PTH2R: variants seen among roughly 807,000 people sequenced by gnomAD.
PTH2R encodes the protein parathyroid hormone 2 receptor.
PTH2R carries 59 observed loss-of-function variants against 60.3 expected under a neutral mutation model. The ratio of observed to expected loss-of-function variants is 0.98; its 90% confidence interval spans 0.79 to 1.22. The LOEUF (loss-of-function observed/expected upper bound fraction) is 1.22. PTH2R is among the 50% of genes most tolerant of loss of function. The probability of loss-of-function intolerance (pLI) is 0.00; values close to 1 mark genes in which losing one functional copy is unlikely to be tolerated. For missense variants in PTH2R, 749 were observed against 682.6 expected (o/e 1.10, Z -1.08); for synonymous variants, 256 against 243.8 (o/e 1.05, Z -0.47).
chr2:208,457,239 A>G (rs1702532879), intron 8 of PTH2R, among the ~76,000 whole-genome samples: 1 of 152,250 alleles, frequency 6.6e-6, no homozygotes, highest in Non-Finnish European at 1.5e-5. Flanking sequence ...GTGATTCTGC[A>G]TAACTCAGTA....
chr2:208,450,393 G>C (rs1041701829), intron 7 of PTH2R, among the ~76,000 whole-genome samples: 3 of 152,132 alleles, frequency 2.0e-5, no homozygotes, highest in Admixed American at 6.5e-5. Flanking sequence ...CACTCCTTGA[G>C]AGCATATGAT....
chr2:208,440,112 G>A (rs1038096694), intron 4 of PTH2R, among the ~76,000 whole-genome samples: 3 of 152,096 alleles, frequency 2.0e-5, no homozygotes, highest in Admixed American at 2.0e-4. Flanking sequence ...TAAAATAATA[G>A]GCAATGCTTC....
At chr2:208,399,596 T>C (rs1701270902) in intron 1 of PTH2R, among the ~76,000 whole-genome samples, 1 of 152,156 alleles carries the variant, frequency 6.6e-6, no homozygotes, top group Admixed American at 6.5e-5. Context: ...CAAGGTGTCA[T>C]ACATCATTGC....
Position 208,459,894 on chromosome 2 carries a change from G to C in PTH2R, c.915-1G>C. 1.2e-6 allele frequency: 2 copies of C among 1,611,900 alleles called. No individual in the cohort carries two copies. Among genetic ancestry groups the C allele is most frequent in the South Asian group, 2.2e-5 (2 of 90,602 alleles). Reference sequence around the variant, plus strand: ...ATGACAGCTTTTTTTCAATGTCTCAGGTGCTGGGAACTTAGTGCTGGAGAC... The same window carrying C: ...ATGACAGCTTTTTTTCAATGTCTCACGTGCTGGGAACTTAGTGCTGGAGAC... On this transcript the variant is annotated splice_acceptor_variant, in intron 8 of 12. Coordinates refer to ENST00000272847, the MANE Select transcript of PTH2R (RefSeq NM_005048.4). LOFTEE classifies it high-confidence loss of function.
At chr2:208,466,906 T>G (rs187691910) in intron 9 of PTH2R, among the ~76,000 whole-genome samples, 56 of 152,352 alleles carry the variant, frequency 3.7e-4, no homozygotes, top group African/African-American at 1.3e-3. Flanking sequence ...GCAATCCTGC[T>G]TGTTAATTTT....
At chr2:208,402,996 G>C (rs1701338437), upstream of PTH2R, among the ~76,000 whole-genome samples, 1 of 152,148 alleles carries the variant, frequency 6.6e-6, no homozygotes, top group African/African-American at 2.4e-5. Context: ...CTGAGTTATA[G>C]TTTCCTCATC....
intron 1 of PTH2R, among the ~76,000 whole-genome samples, chr2:208,379,629 G>A (rs1700874116): frequency 1.7e-5 from 2 of 119,662 alleles, no homozygotes; most frequent in African/African-American, 2.5e-5. Flanking sequence ...GGAGGCCCAG[G>A]TGGGCGGATC....
chr2:208,425,829 T>A (rs1199074190), intron 1 of PTH2R, among the ~76,000 whole-genome samples: 3 of 152,242 alleles, frequency 2.0e-5, no homozygotes, highest in Non-Finnish European at 4.4e-5. Flanking sequence ...CCAGCTTCTT[T>A]TACTCCAAGT....
chr2:208,428,579 G>T (rs1315566023), intron 2 of PTH2R, among the ~76,000 whole-genome samples: 1 of 152,220 alleles, frequency 6.6e-6, no homozygotes, highest in African/African-American at 2.4e-5. Context: ...TTCAGGGTTT[G>T]TCTGCCTGTA....
At chr2:208,484,559 C>A (rs1476664435) in intron 10 of PTH2R, among the ~76,000 whole-genome samples, 1 of 152,010 alleles carries the variant, frequency 6.6e-6, no homozygotes, top group Non-Finnish European at 1.5e-5. Flanking sequence ...ACAACTCAAA[C>A]TCAATTACTT....
intron 8 of PTH2R, among the ~76,000 whole-genome samples, chr2:208,459,284 T>G (rs762218209): frequency 6.6e-6 from 1 of 152,156 alleles, no homozygotes; most frequent in Non-Finnish European, 1.5e-5. Flanking sequence ...ACATTTACAT[T>G]CAGTACAATA....
chr2:208,451,926 CCTTT>C (rs1702414852), intron 8 of PTH2R, among the ~76,000 whole-genome samples: 1 of 151,990 alleles, frequency 6.6e-6, no homozygotes, highest in African/African-American at 2.4e-5. Flanking sequence ...AGTAAAGAAT[CCTTT>C]CTTTATATTT....
intron 4 of PTH2R, 75 bp downstream of exon 4, chr2:208,437,956 C>T: frequency 2.6e-6 from 4 of 1,533,478 alleles, no homozygotes; most frequent in Non-Finnish European, 3.6e-6. Flanking sequence ...CAATTGCCAG[C>T]CATTATGTAT....
At chr2:208,490,483 A>G (rs878877038) in intron 11 of PTH2R, among the ~76,000 whole-genome samples, 156 bp from the exon 12 acceptor site, 1 of 152,252 alleles carries the variant, frequency 6.6e-6, no homozygotes, top group East Asian at 1.9e-4. Flanking sequence ...TAATGTAAAC[A>G]TAAGGATTTG....
chr2:208,464,471 C>T (rs1356655647), intron 9 of PTH2R, among the ~76,000 whole-genome samples: 2 of 152,188 alleles, frequency 1.3e-5, no homozygotes, highest in African/African-American at 4.8e-5. Flanking sequence ...CTCTGCCACA[C>T]CAGTACATGA....
chr2:208,471,678 A>T (rs75434029), intron 9 of PTH2R, among the ~76,000 whole-genome samples: 1 of 152,242 alleles, frequency 6.6e-6, no homozygotes, highest in Non-Finnish European at 1.5e-5. Flanking sequence ...CAGAAGGGAA[A>T]TGGGGGTTGG....
At chr2:208,371,253 C>T (rs911764375) in intron 1 of PTH2R, among the ~76,000 whole-genome samples, 1 of 152,106 alleles carries the variant, frequency 6.6e-6, no homozygotes, top group Non-Finnish European at 1.5e-5. Flanking sequence ...AACAAACAAT[C>T]GCTGCGGAAA....
At chr2:208,457,056 T>C (rs1702529656) in intron 8 of PTH2R, among the ~76,000 whole-genome samples, 1 of 152,100 alleles carries the variant, frequency 6.6e-6, no homozygotes, top group South Asian at 2.1e-4. Flanking sequence ...GAAATGCCAT[T>C]AAAGCAAAGA....
rs79535438 is a variant in PTH2R, at chr2:208,490,559, C to T, written c.1216-80C>T. 5.8e-3 allele frequency: 7,969 copies of T among 1,374,936 alleles called. 28 individuals are homozygous for T. Among genetic ancestry groups the T allele is most frequent in the Non-Finnish European group, 7.1e-3 (7,010 of 992,420 alleles). The allele number at this position is 1,374,936 out of a possible 1,614,324, so 85.2% of individuals were successfully genotyped here. A position where few individuals can be genotyped will look rare whatever the true frequency, so the allele number is the denominator to read the frequency against. On this transcript the variant is annotated intron_variant, in intron 11 of 12. Transcript: ENST00000272847. ...GGAATCATAAAAAACAATTTTTGGA[C>T]GTACACATTTTGGCACAAGATGCTT... is the stretch of plus-strand genomic sequence containing the variant.
Sources: gnomAD v4.1 joint callset for allele counts (sites outside exome capture counted in the v4.1 genomes callset) on GRCh38, gnomAD v4.1.1 for gene constraint, MANE v1.5 for transcripts, NCBI Gene and HGNC (gene_info 2026-07-23, HGNC 2026-07-21) for gene names.